The following PDE7B variants were observed in gnomAD, a reference collection of about 807,000 sequenced individuals.
PDE7B encodes 3',5'-cyclic-AMP phosphodiesterase 7B.
PDE7B carries 29 observed loss-of-function variants against 56.2 expected under a neutral mutation model. That is an observed-to-expected ratio of 0.52 (90% CI 0.38 to 0.70). The LOEUF (loss-of-function observed/expected upper bound fraction) is 0.70, where lower values mean the gene tolerates loss of function less well. Among genes scored for constraint, PDE7B ranks in the 30% least tolerant of loss-of-function variants. PDE7B has a pLI of 0.00. For missense variants in PDE7B, 490 were observed against 565.0 expected (o/e 0.87, Z 1.35); for synonymous variants, 197 against 196.9 (o/e 1.00, Z 0.00).
At chr6:136,080,863 A>C (rs1312195450) in intron 2 of PDE7B, among the ~76,000 whole-genome samples, 1 of 152,170 alleles carries the variant, frequency 6.6e-6, no homozygotes, top group Non-Finnish European at 1.5e-5. Flanking sequence ...TAGGATGGAG[A>C]GCTGCATGGA....
chr6:136,120,995 TCTGA>T (rs1777924876), intron 3 of PDE7B, among the ~76,000 whole-genome samples: 2 of 152,160 alleles, frequency 1.3e-5, no homozygotes, highest in South Asian at 4.1e-4. Context: ...TAACCTTGTG[TCTGA>T]CTCCCCTCTC....
intron 1 of PDE7B, among the ~76,000 whole-genome samples, chr6:135,926,150 A>T (rs368910245): frequency 7.0e-6 from 1 of 143,192 alleles, no homozygotes; most frequent in Non-Finnish European, 1.5e-5. Flanking sequence ...GCAGTGGCGC[A>T]ATCTCGGCTC....
intron 12 of PDE7B, among the ~76,000 whole-genome samples, chr6:136,187,805 G>A (rs542895123): frequency 6.6e-5 from 10 of 152,194 alleles, no homozygotes; most frequent in African/African-American, 2.2e-4. Flanking sequence ...TTTTTGCTTC[G>A]GTAAGACTTT....
chr6:135,985,117 C>T (rs1263692276), intron 2 of PDE7B, among the ~76,000 whole-genome samples: 1 of 152,182 alleles, frequency 6.6e-6, no homozygotes, highest in Non-Finnish European at 1.5e-5. Flanking sequence ...AGACTTTACA[C>T]TTTATGTTTG....
chr6:136,139,371 G>A (rs1426009852), intron 3 of PDE7B, among the ~76,000 whole-genome samples: 1 of 152,128 alleles, frequency 6.6e-6, no homozygotes, highest in Admixed American at 6.6e-5. Flanking sequence ...GTCTATCATT[G>A]TTGGACATTT....
intron 2 of PDE7B, among the ~76,000 whole-genome samples, chr6:136,039,433 G>A (rs989771741): frequency 6.6e-6 from 1 of 152,162 alleles, no homozygotes; most frequent in Admixed American, 6.5e-5. Context: ...GAATCCTGGC[G>A]TGCCATTGGC....
intron 2 of PDE7B, among the ~76,000 whole-genome samples, chr6:136,021,839 C>A (rs1776077406): frequency 6.6e-6 from 1 of 152,156 alleles, no homozygotes; most frequent in Non-Finnish European, 1.5e-5. Context: ...TATATTAGAT[C>A]ACATCACTCT....
chr6:135,972,361 G>A (rs151010971), intron 2 of PDE7B, among the ~76,000 whole-genome samples: 4 of 150,886 alleles, frequency 2.7e-5, no homozygotes, highest in African/African-American at 9.7e-5. Context: ...CTACTGTCAA[G>A]TCATCCATCT....
chr6:136,044,532 T>C (rs1017092553), intron 2 of PDE7B: 2 of 152,200 alleles, frequency 1.3e-5, no homozygotes, highest in Non-Finnish European at 2.9e-5. Flanking sequence ...TTAGTCATTA[T>C]AGCTTTTAAA....
chr6:135,890,774 G>A (rs1251542591), intron 1 of PDE7B, among the ~76,000 whole-genome samples: 1 of 152,190 alleles, frequency 6.6e-6, no homozygotes, highest in African/African-American at 2.4e-5. Flanking sequence ...AGGAAATGCA[G>A]AAACTGCTAA....
chr6:136,079,219 C>A (rs1777169162), intron 2 of PDE7B, among the ~76,000 whole-genome samples: 3 of 152,110 alleles, frequency 2.0e-5, no homozygotes, highest in Admixed American at 6.5e-5. Flanking sequence ...AAGTCAGTGA[C>A]CCCCTGTACC....
At chr6:136,096,632 A>G (rs966887413) in intron 2 of PDE7B, among the ~76,000 whole-genome samples, 4 of 151,676 alleles carry the variant, frequency 2.6e-5, no homozygotes, top group Non-Finnish European at 5.9e-5. Context: ...CAGTTTTCAA[A>G]TTATATTTTA....
chr6:136,089,003 AAAAG>A (rs1415570384), intron 2 of PDE7B, among the ~76,000 whole-genome samples: 1 of 152,092 alleles, frequency 6.6e-6, no homozygotes, highest in Non-Finnish European at 1.5e-5. Flanking sequence ...GCCAAAAAAA[AAAAG>A]AAACACGGGG....
intron 1 of PDE7B, among the ~76,000 whole-genome samples, chr6:135,898,410 A>G (rs982753609): frequency 6.6e-6 from 1 of 152,174 alleles, no homozygotes; most frequent in Non-Finnish European, 1.5e-5. Flanking sequence ...TTGGAAAATA[A>G]ATTATAAAAT....
intron 2 of PDE7B, among the ~76,000 whole-genome samples, chr6:135,952,853 A>G (rs1370473270): frequency 1.3e-5 from 2 of 152,142 alleles, no homozygotes; most frequent in Non-Finnish European, 2.9e-5. Context: ...GGACAGAAGT[A>G]CCAGATAAAA....
chr6:135,885,332 T>G (rs116700640), intron 1 of PDE7B, among the ~76,000 whole-genome samples: 32,771 of 150,976 alleles, frequency 0.22, 6,276 homozygotes, highest in African/African-American at 0.52. Context: ...TTTGTTGTTT[T>G]TTTTTTTTTT....
intron 2 of PDE7B, among the ~76,000 whole-genome samples, chr6:136,023,634 T>G (rs1474307622): frequency 6.6e-6 from 1 of 152,220 alleles, no homozygotes; most frequent in African/African-American, 2.4e-5. Context: ...GAAAGCTAGC[T>G]ATTTTTTGAC....
chr6:135,922,164 C>A (rs968266753), intron 1 of PDE7B, among the ~76,000 whole-genome samples: 22 of 152,122 alleles, frequency 1.4e-4, no homozygotes, highest in African/African-American at 4.6e-4. Flanking sequence ...AAACTGCCAC[C>A]TCAAGATCTC....
intron 2 of PDE7B, among the ~76,000 whole-genome samples, chr6:136,030,588 C>T (rs9389363): frequency 0.37 from 55,877 of 152,068 alleles, 10,514 homozygotes; most frequent in East Asian, 0.57. Flanking sequence ...CCATCTTTAT[C>T]TCTTTGAGGA....
Sources: allele counts gnomAD v4.1 joint callset (sites outside exome capture counted in the v4.1 genomes callset), GRCh38; gene constraint gnomAD v4.1.1; transcripts MANE v1.5; gene names NCBI Gene and HGNC (gene_info 2026-07-23, HGNC 2026-07-21).